SETD3: variants seen among roughly 807,000 people sequenced by gnomAD.
SETD3 encodes actin-histidine N-methyltransferase.
Under a neutral mutation model 63.0 loss-of-function variants are expected in SETD3, and 19 were observed. The observed-to-expected ratio is 0.30, with a 90% confidence interval of 0.21 to 0.44. The LOEUF (loss-of-function observed/expected upper bound fraction) is 0.44. Among genes scored for constraint, SETD3 ranks in the 20% least tolerant of loss-of-function variants. The probability of loss-of-function intolerance (pLI) is 1.00; values close to 1 mark genes in which losing one functional copy is unlikely to be tolerated. For missense variants in SETD3, 587 were observed against 728.5 expected (o/e 0.81, Z 2.24); for synonymous variants, 286 against 264.1 (o/e 1.08, Z -0.80).
At chr14:99,421,422 C>T (rs1892592081) in intron 6 of SETD3, among the ~76,000 whole-genome samples, 1 of 151,516 alleles carries the variant, frequency 6.6e-6, no homozygotes, top group Non-Finnish European at 1.5e-5. Flanking sequence ...CAGTCATTTA[C>T]AAGAGTAGTT....
intron 6 of SETD3, among the ~76,000 whole-genome samples, chr14:99,427,842 AAAG>A (rs1158393310): frequency 1.3e-5 from 2 of 152,216 alleles, no homozygotes; most frequent in African/African-American, 4.8e-5. Flanking sequence ...GGAATTCAGA[AAAG>A]AAGCTGCAGT....
chr14:99,442,045 G>A (rs11848170), intron 6 of SETD3, among the ~76,000 whole-genome samples: 3,864 of 152,206 alleles, frequency 0.025, 150 homozygotes, highest in African/African-American at 0.088. Flanking sequence ...CCTCTGGTGC[G>A]CAGACGCCCA....
At chr14:99,473,613 T>C (rs1462376205) in intron 1 of SETD3, among the ~76,000 whole-genome samples, 1 of 152,154 alleles carries the variant, frequency 6.6e-6, no homozygotes, top group Admixed American at 6.5e-5. Context: ...GAGGGAATGG[T>C]CCTAAGGATG....
intron 6 of SETD3, among the ~76,000 whole-genome samples, chr14:99,420,566 C>A (rs1023043421): frequency 1.4e-4 from 22 of 152,218 alleles, no homozygotes; most frequent in Non-Finnish European, 2.5e-4. Context: ...CATGTGGGCA[C>A]CCCTGCCACA....
rs569946490 is a variant in SETD3, at chr14:99,439,638, T to A, written c.675+18641A>T. 6.8e-5 allele frequency among the ~76,000 whole-genome samples: 10 copies of A among 147,932 alleles called. No individual in the cohort carries two copies. In the South Asian group the frequency reaches 2.1e-3, roughly 31 times the overall value. On this transcript the variant is annotated intron_variant, in intron 6 of 12. Transcript: ENST00000331768. ...ATATATAAACATATTTATATTTTTA[T>A]ATATACATATATAAATATGTAAGTA... is the stretch of plus-strand genomic sequence containing the variant.
chr14:99,427,975 C>G (rs536793866), intron 6 of SETD3, among the ~76,000 whole-genome samples: 1 of 152,088 alleles, frequency 6.6e-6, no homozygotes, highest in Non-Finnish European at 1.5e-5. Flanking sequence ...CAGAGAGTAC[C>G]GGAAATGGCA....
At chr14:99,408,738 G>A (rs1891816347) in intron 8 of SETD3, among the ~76,000 whole-genome samples, 1 of 152,248 alleles carries the variant, frequency 6.6e-6, no homozygotes, top group South Asian at 2.1e-4. Context: ...GGGTCAGAAT[G>A]TTTGGAGGCT....
chr14:99,476,174 T>C (rs936173412), intron 1 of SETD3, among the ~76,000 whole-genome samples: 2 of 152,228 alleles, frequency 1.3e-5, no homozygotes, highest in South Asian at 2.1e-4. Flanking sequence ...GACTGATTAA[T>C]TTATGCAAAA....
intron 8 of SETD3, among the ~76,000 whole-genome samples, chr14:99,407,969 A>AT (rs1891778537): frequency 6.6e-6 from 1 of 152,190 alleles, no homozygotes; most frequent in African/African-American, 2.4e-5. Flanking sequence ...TCCTTCTCAG[A>AT]GTCCTGTCTT....
chr14:99,485,700 A>G (rs1306156462), upstream of SETD3, among the ~76,000 whole-genome samples: 3 of 152,176 alleles, frequency 2.0e-5, no homozygotes, highest in Non-Finnish European at 4.4e-5. Flanking sequence ...CCTCAAAAGA[A>G]TAACCTATTT....
At chr14:99,463,710 G>T in intron 2 of SETD3, 132 bp from the exon 3 acceptor site, 1 of 675,110 alleles carries the variant, frequency 1.5e-6, no homozygotes, top group South Asian at 1.8e-5. Flanking sequence ...ACAGACATAT[G>T]ACAGCCATGA....
intron 2 of SETD3, among the ~76,000 whole-genome samples, chr14:99,464,576 C>T (rs1367739012): frequency 6.6e-6 from 1 of 152,186 alleles, no homozygotes; most frequent in African/African-American, 2.4e-5. Flanking sequence ...CAGGGCAGCA[C>T]TCGAGAGGGA....
intron 11 of SETD3, among the ~76,000 whole-genome samples, chr14:99,402,078 C>T (rs530409771): frequency 6.6e-6 from 1 of 152,180 alleles, no homozygotes; most frequent in East Asian, 1.9e-4. Flanking sequence ...GTGCTCACCC[C>T]GGAGGGTACA....
chr14:99,469,047 C>T (rs1000483293), intron 1 of SETD3, among the ~76,000 whole-genome samples: 1 of 152,152 alleles, frequency 6.6e-6, no homozygotes, highest in Admixed American at 6.5e-5. Context: ...ATTCCTGCTC[C>T]GCGTGACAGA....
At chr14:99,452,175 C>T (rs1009717438) in intron 6 of SETD3, among the ~76,000 whole-genome samples, 2 of 152,120 alleles carry the variant, frequency 1.3e-5, no homozygotes, top group Non-Finnish European at 2.9e-5. Context: ...GGCACGATCT[C>T]GGCTCACTGC....
At chr14:99,431,116 C>T (rs1337774622) in intron 6 of SETD3, among the ~76,000 whole-genome samples, 3 of 152,212 alleles carry the variant, frequency 2.0e-5, no homozygotes, top group African/African-American at 4.8e-5. Flanking sequence ...GATTCCAATC[C>T]TCTTCACCTA....
At chr14:99,482,832 T>C (rs1159189024), upstream of SETD3, among the ~76,000 whole-genome samples, 2 of 149,892 alleles carry the variant, frequency 1.3e-5, no homozygotes, top group Non-Finnish European at 3.0e-5. Flanking sequence ...CTAGTTCATT[T>C]CAGGACATTA....
chr14:99,403,248 T>C (rs1490535665), intron 11 of SETD3, among the ~76,000 whole-genome samples: 3 of 152,188 alleles, frequency 2.0e-5, no homozygotes, highest in Non-Finnish European at 4.4e-5. Flanking sequence ...CCAAAGCCAG[T>C]GACCGCCGAG....
At chr14:99,410,333 G>A in intron 8 of SETD3, 1 of 1,395,948 alleles carries the variant, frequency 7.2e-7, no homozygotes, top group Non-Finnish European at 9.9e-7. Context: ...GAGACTGTAA[G>A]ACTCATCTAA....
Sources: gnomAD v4.1 joint callset for allele counts (sites outside exome capture counted in the v4.1 genomes callset) on GRCh38, gnomAD v4.1.1 for gene constraint, MANE v1.5 for transcripts, NCBI Gene and HGNC (gene_info 2026-07-23, HGNC 2026-07-21) for gene names.